SLC1A2: variants seen among roughly 807,000 people sequenced by gnomAD.
SLC1A2 encodes the protein excitatory amino acid transporter 2.
In SLC1A2, 15 loss-of-function variants were observed where a neutral mutation model predicts 48.8. That is an observed-to-expected ratio of 0.31 (90% CI 0.21 to 0.47). The LOEUF (loss-of-function observed/expected upper bound fraction) is 0.47. Among genes scored for constraint, SLC1A2 ranks in the 20% least tolerant of loss-of-function variants. The pLI is 0.99. For synonymous variants in SLC1A2, 279 were observed against 272.6 expected, an observed-to-expected ratio of 1.02 and a Z score of -0.23; for missense variants, 502 against 730.5, an observed-to-expected ratio of 0.69 and a Z score of 3.61.
At chr11:35,325,467 A>T (rs1463941977) in intron 1 of SLC1A2, among the ~76,000 whole-genome samples, 2 of 152,226 alleles carry the variant, frequency 1.3e-5, no homozygotes, top group Non-Finnish European at 2.9e-5. Context: ...TCTTCCTGGC[A>T]CATAGTAGAT....
chr11:35,349,848 C>G (rs1853178912), intron 1 of SLC1A2, among the ~76,000 whole-genome samples: 1 of 152,132 alleles, frequency 6.6e-6, no homozygotes, highest in African/African-American at 2.4e-5. Context: ...TTGAAAAGGC[C>G]ATTCTTGTCT....
intron 3 of SLC1A2, among the ~76,000 whole-genome samples, chr11:35,313,650 C>T (rs6484780): frequency 0.022 from 3,414 of 152,232 alleles, 112 homozygotes; most frequent in African/African-American, 0.077. Context: ...TTCTAGCCGA[C>T]GGGAGCTAGG....
intron 3 of SLC1A2, 138 bp from the exon 4 acceptor site, chr11:35,312,586 C>A: frequency 9.6e-7 from 1 of 1,036,758 alleles, no homozygotes; most frequent in Non-Finnish European, 1.4e-6. Flanking sequence ...AGTCTTCCCT[C>A]AATATCCATG....
rs771016554 is a variant in SLC1A2 at position 35,286,744 on chromosome 11, C to A, written c.1286+13G>T. 10 of 1,601,552 alleles carry A rather than the reference C, an allele frequency of 6.2e-6. No individual in the cohort carries two copies. The highest frequency in any genetic ancestry group is 8.5e-6 in the Non-Finnish European group (10 of 1,172,050). ...GGTAGAGGTTGTTTTGTGTTTTACC[C>A]CACCCTTCTCACCTTACAGTCACAA... is the stretch of plus-strand genomic sequence containing the variant. On this transcript the variant is annotated intron_variant, in intron 8 of 10. Coordinates refer to ENST00000278379, the MANE Select transcript of SLC1A2 (RefSeq NM_004171.4).
chr11:35,268,538 A>T (rs1298902150), intron 9 of SLC1A2, among the ~76,000 whole-genome samples: 1 of 151,886 alleles, frequency 6.6e-6, no homozygotes, highest in Non-Finnish European at 1.5e-5. Context: ...GGTGGTGTGC[A>T]CCTATAATCC....
rs531894784 is a variant in SLC1A2, at chr11:35,408,883, A to G, written c.17+10067T>C. Among the ~76,000 whole-genome samples, 3 of 152,342 alleles carry G rather than the reference A, an allele frequency of 2.0e-5. No individual in the cohort carries two copies. In the East Asian group the frequency reaches 5.8e-4, roughly 29 times the overall value. ...TGCATAATATCGATCTGCCATGGTA[A>G]ATAACAGATTTGTAACTATTAAAAA... is the stretch of plus-strand genomic sequence containing the variant. On this transcript the variant is annotated intron_variant, in intron 1 of 10. Coordinates refer to ENST00000278379, the MANE Select transcript of SLC1A2 (RefSeq NM_004171.4).
At chr11:35,334,187 G>A (rs889521944) in intron 1 of SLC1A2, among the ~76,000 whole-genome samples, 10 of 152,064 alleles carry the variant, frequency 6.6e-5, no homozygotes, top group African/African-American at 1.7e-4. Flanking sequence ...ACACCAATGC[G>A]AAGTGTCAAT....
chr11:35,380,487 G>A (rs933633700), intron 1 of SLC1A2: 6 of 398,232 alleles, frequency 1.5e-5, no homozygotes, highest in Admixed American at 4.4e-5. Context: ...TAATCTGTGC[G>A]ACTCCCTGGA....
intron 1 of SLC1A2, among the ~76,000 whole-genome samples, chr11:35,372,350 T>C (rs1368237768): frequency 6.6e-6 from 1 of 152,242 alleles, no homozygotes; most frequent in African/African-American, 2.4e-5. Flanking sequence ...ACCATGTGTA[T>C]TGGTCCCCTC....
chr11:35,355,556 G>A (rs767842798), intron 1 of SLC1A2, among the ~76,000 whole-genome samples: 6 of 152,310 alleles, frequency 3.9e-5, no homozygotes, highest in South Asian at 4.1e-4. Flanking sequence ...TGCACCAGCT[G>A]TAGAGGGAGT....
chr11:35,380,742 T>C (rs1565290249), intron 1 of SLC1A2, among the ~76,000 whole-genome samples: 1 of 152,026 alleles, frequency 6.6e-6, no homozygotes, highest in Non-Finnish European at 1.5e-5. Context: ...AAGAGGGGAG[T>C]GTGTGGGTGT....
chr11:35,334,793 G>A (rs1029582941), intron 1 of SLC1A2, among the ~76,000 whole-genome samples: 3 of 151,908 alleles, frequency 2.0e-5, no homozygotes, highest in Non-Finnish European at 2.9e-5. Context: ...CTCACAGCTT[G>A]TAGAGTCTGG....
At chr11:35,273,436 T>C (rs1201952654) in intron 9 of SLC1A2, among the ~76,000 whole-genome samples, 2 of 152,192 alleles carry the variant, frequency 1.3e-5, no homozygotes, top group Admixed American at 6.5e-5. Flanking sequence ...TCGTAACATA[T>C]GGAGAGGGAT....
At chr11:35,272,772 G>A (rs1405714639) in intron 9 of SLC1A2, among the ~76,000 whole-genome samples, 1 of 152,172 alleles carries the variant, frequency 6.6e-6, no homozygotes, top group Non-Finnish European at 1.5e-5. Context: ...CTGCAAGAAG[G>A]GGATGAAGAT....
intron 1 of SLC1A2, among the ~76,000 whole-genome samples, chr11:35,333,092 G>A (rs533524435): frequency 2.0e-5 from 3 of 152,006 alleles, no homozygotes; most frequent in South Asian, 2.1e-4. Context: ...GGTCTCTTTC[G>A]CAGCTACTCA....
intron 1 of SLC1A2, among the ~76,000 whole-genome samples, chr11:35,349,035 A>T (rs550880774): frequency 6.6e-6 from 1 of 152,260 alleles, no homozygotes; most frequent in South Asian, 2.1e-4. Context: ...AGGATACATC[A>T]GGCAGAGGAA....
At chr11:35,420,034 C>G (rs957834628), upstream of SLC1A2, 1 of 412,372 alleles carries the variant, frequency 2.4e-6, no homozygotes, top group African/African-American at 2.1e-5. Context: ...CGCTCCCTCC[C>G]CCGCCGAAGC....
chr11:35,339,889 T>C (rs768699371), intron 1 of SLC1A2, among the ~76,000 whole-genome samples: 1 of 152,210 alleles, frequency 6.6e-6, no homozygotes, highest in Non-Finnish European at 1.5e-5. Flanking sequence ...CTTAGCTCTG[T>C]TTAAATGTTT....
chr11:35,415,070 G>A (rs2135306600), intron 1 of SLC1A2, among the ~76,000 whole-genome samples: 1 of 152,282 alleles, frequency 6.6e-6, no homozygotes, highest in African/African-American at 2.4e-5. Flanking sequence ...TGGAACTGTA[G>A]GATTTATGGC....
Sources: allele counts gnomAD v4.1 joint callset (sites outside exome capture counted in the v4.1 genomes callset), GRCh38; gene constraint gnomAD v4.1.1; transcripts MANE v1.5; gene names NCBI Gene and HGNC (gene_info 2026-07-23, HGNC 2026-07-21).